The following CSMD1 variants were observed in gnomAD, a reference collection of about 807,000 sequenced individuals.
The protein encoded by CSMD1 is CUB and Sushi multiple domains 1, also known as CUB and sushi domain-containing protein 1.
A neutral mutation model predicts 417.5 loss-of-function variants in CSMD1; 213 were observed. The observed-to-expected ratio is 0.51, with a 90% CI of 0.46 to 0.57. The LOEUF (loss-of-function observed/expected upper bound fraction) is 0.57, where lower values mean the gene tolerates loss of function less well. Among genes scored for constraint, CSMD1 ranks in the 20% least tolerant of loss-of-function variants. The pLI, the probability that CSMD1 is intolerant of heterozygous loss-of-function variation, is 0.00. For synonymous variants in CSMD1, 2,862 were observed against 1,736.8 expected, an observed-to-expected ratio of 1.65 and a Z score of -16.11; for missense variants, 6,923 against 4,529.7, an observed-to-expected ratio of 1.53 and a Z score of -15.17.
At chr8:4,099,367 G>A (rs998330997) in intron 3 of CSMD1, among the ~76,000 whole-genome samples, 1 of 151,966 alleles carries the variant, frequency 6.6e-6, no homozygotes, top group African/African-American at 2.4e-5. Context: ...ATAAAATCTG[G>A]TAATCACGCC....
At chr8:3,853,476 G>A (rs768997836) in intron 5 of CSMD1, among the ~76,000 whole-genome samples, 1 of 152,150 alleles carries the variant, frequency 6.6e-6, no homozygotes, top group Non-Finnish European at 1.5e-5. Context: ...AAGGATCTTT[G>A]TCTACGTTGT....
At chr8:3,278,453 C>A (rs572472249) in intron 26 of CSMD1, 2 of 152,166 alleles carry the variant, frequency 1.3e-5, no homozygotes, top group Admixed American at 6.5e-5. Context: ...ACTAAGAAAT[C>A]TCATTTAATA....
intron 1 of CSMD1, among the ~76,000 whole-genome samples, chr8:4,676,522 A>C (rs1805691236): frequency 6.6e-6 from 1 of 152,054 alleles, no homozygotes; most frequent in Non-Finnish European, 1.5e-5. Context: ...TATATCTCAT[A>C]ATTTCCTGTT....
chr8:3,733,876 A>G (rs184758531), intron 6 of CSMD1, among the ~76,000 whole-genome samples: 32 of 152,268 alleles, frequency 2.1e-4, no homozygotes, highest in Admixed American at 1.4e-3. Flanking sequence ...AAACTTTATC[A>G]TGGGTACAAA....
chr8:3,387,519 C>G lies in CSMD1; in HGVS notation c.2757G>C (p.Trp919Cys). The G allele has an allele frequency of 1.2e-6, 2 of 1,601,910 alleles. No homozygotes were observed. Among genetic ancestry groups the G allele is most frequent in the Non-Finnish European group, 1.7e-6 (2 of 1,174,178 alleles). ...CGTCGCAGCTGGGCAAGGCGTGGTTCCACTGGTGGTTCCTCTCACAGACGA... is the reference window on the plus strand; with the variant it reads ...CGTCGCAGCTGGGCAAGGCGTGGTTGCACTGGTGGTTCCTCTCACAGACGA... ...EPLVCERNHQ[W>C]NHALPSCDAL... The change falls in exon 18 of 70, where the codon TGG (tryptophan) becomes TGC (cysteine). Residue 919 changes from tryptophan to cysteine, a missense_variant. Transcript: ENST00000635120.
intron 3 of CSMD1, among the ~76,000 whole-genome samples, chr8:4,186,163 A>T (rs185966118): frequency 1.1e-4 from 17 of 152,302 alleles, no homozygotes; most frequent in Non-Finnish European, 2.1e-4. Flanking sequence ...GCATATGAGA[A>T]GCAGTCAAGG....
chr8:4,222,554 G>C lies in CSMD1; in HGVS notation c.416-190455C>G, dbSNP rs142304909. 1.5e-3 allele frequency among the ~76,000 whole-genome samples: 221 copies of C among 152,290 alleles called. 4 individuals carry two copies. Among genetic ancestry groups the C allele is most frequent in the African/African-American group, 4.9e-3 (203 of 41,562 alleles). On this transcript the variant is annotated intron_variant, in intron 3 of 69. Transcript: ENST00000635120. Reference sequence around the variant, plus strand: ...AAAACATAAAAACCACAGAAGTACAGAAAAAGGTTAAAGGCTATTACTTTA... The same window carrying C: ...AAAACATAAAAACCACAGAAGTACACAAAAAGGTTAAAGGCTATTACTTTA...
At chr8:4,602,366 A>G (rs1488414170) in intron 2 of CSMD1, among the ~76,000 whole-genome samples, 1 of 152,186 alleles carries the variant, frequency 6.6e-6, no homozygotes, top group Non-Finnish European at 1.5e-5. Flanking sequence ...AGAAGCTTCT[A>G]CTGCCAGGAG....
At chr8:3,966,012 A>G (rs1812658405) in intron 5 of CSMD1, among the ~76,000 whole-genome samples, 1 of 152,212 alleles carries the variant, frequency 6.6e-6, no homozygotes, top group Non-Finnish European at 1.5e-5. Flanking sequence ...CATAGATTCA[A>G]TTTTAGAAAG....
intron 26 of CSMD1, among the ~76,000 whole-genome samples, chr8:3,269,660 C>A (rs1416598575): frequency 6.6e-6 from 1 of 152,194 alleles, no homozygotes; most frequent in Non-Finnish European, 1.5e-5. Context: ...CAGTGCCACA[C>A]TGAGCGTTTA....
chr8:4,913,367 G>C (rs145077009), intron 1 of CSMD1, among the ~76,000 whole-genome samples: 1 of 152,030 alleles, frequency 6.6e-6, no homozygotes, highest in African/African-American at 2.4e-5. Context: ...TGTTTCTGGC[G>C]GGGGACCATT....
chr8:4,294,223 T>G (rs1349114032), intron 3 of CSMD1, among the ~76,000 whole-genome samples: 2 of 152,190 alleles, frequency 1.3e-5, no homozygotes, highest in African/African-American at 4.8e-5. Context: ...CGGGAGAAAC[T>G]GAACATCTCT....
chr8:3,159,714 A>G (rs917684588), intron 38 of CSMD1, among the ~76,000 whole-genome samples: 2 of 152,240 alleles, frequency 1.3e-5, no homozygotes, highest in African/African-American at 4.8e-5. Context: ...AAAGAAACAC[A>G]GCTTAGTTTG....
At position 4,418,198 on chromosome 8, in the gene CSMD1, A is replaced by G. The variant is rs17070220; in HGVS notation, c.415+1755T>C. ...TCAGACTATAATATCACCATTTCAAATCGAAATACCACAAAATCATTTTCT... is the reference window on the plus strand; with the variant it reads ...TCAGACTATAATATCACCATTTCAAGTCGAAATACCACAAAATCATTTTCT... On this transcript the variant is annotated intron_variant, in intron 3 of 69. Transcript: ENST00000635120. 8.1e-3 allele frequency among the ~76,000 whole-genome samples: 1,231 copies of G among 152,240 alleles called. 53 individuals carry two copies. The highest frequency in any genetic ancestry group is 0.059 in the Admixed American group (895 of 15,282).
intron 2 of CSMD1, among the ~76,000 whole-genome samples, chr8:4,636,263 A>T (rs964101218): frequency 3.3e-5 from 5 of 152,190 alleles, no homozygotes; most frequent in African/African-American, 4.8e-5. Flanking sequence ...AATTGAAAAC[A>T]AAAAGTAGAT....
At chr8:4,061,114 A>C (rs1798949254) in intron 3 of CSMD1, among the ~76,000 whole-genome samples, 1 of 152,176 alleles carries the variant, frequency 6.6e-6, no homozygotes, top group African/African-American at 2.4e-5. Context: ...TGGAGAATAT[A>C]AAGATGGGCT....
chr8:3,180,957 G>C (rs747380624), intron 37 of CSMD1, among the ~76,000 whole-genome samples, 153 bp downstream of exon 37: 6 of 152,064 alleles, frequency 3.9e-5, no homozygotes, highest in Non-Finnish European at 7.4e-5. Flanking sequence ...GTATTTCGTA[G>C]AGCCAGATTT....
chr8:3,067,148 C>T (rs763007714), intron 49 of CSMD1, among the ~76,000 whole-genome samples: 3 of 152,116 alleles, frequency 2.0e-5, no homozygotes, highest in Admixed American at 6.5e-5. Flanking sequence ...ATGCACCTCT[C>T]GACCTGTCTG....
chr8:4,443,992 G>A (rs578250704), intron 2 of CSMD1, among the ~76,000 whole-genome samples: 62 of 152,184 alleles, frequency 4.1e-4, no homozygotes, highest in African/African-American at 1.3e-3. Flanking sequence ...ATGTACAAAC[G>A]GAGTAAGAAT....
Sources: gnomAD v4.1 joint callset for allele counts (sites outside exome capture counted in the v4.1 genomes callset) on GRCh38, gnomAD v4.1.1 for gene constraint, MANE v1.5 for transcripts, NCBI Gene and HGNC (gene_info 2026-07-23, HGNC 2026-07-21) for gene names.